TRMT13: variants seen among roughly 807,000 people sequenced by gnomAD.
TRMT13 encodes tRNA:m(4)X modification enzyme TRM13 homolog.
In TRMT13, 45 loss-of-function variants were observed where a neutral mutation model predicts 55.9. The ratio of observed to expected loss-of-function variants is 0.80; its 90% CI spans 0.63 to 1.03. The LOEUF is 1.03. Ranked by LOEUF, TRMT13 falls within the 50% of genes least tolerant of loss-of-function variation. The pLI, the probability that TRMT13 is intolerant of heterozygous loss-of-function variation, is 0.00. For missense variants in TRMT13, 513 were observed against 563.9 expected, an observed-to-expected ratio of 0.91 and a Z score of 0.91; for synonymous variants, 183 against 196.3, an observed-to-expected ratio of 0.93 and a Z score of 0.57.
At chr1:100,138,475 TC>T (rs1402164555) in intron 3 of TRMT13, among the ~76,000 whole-genome samples, 1 of 152,180 alleles carries the variant, frequency 6.6e-6, no homozygotes, top group African/African-American at 2.4e-5. Flanking sequence ...ACATTGTAAT[TC>T]CTGCAGTAAA....
At chr1:100,140,589 A>G in intron 6 of TRMT13, 75 bp downstream of exon 6, 5 of 1,145,012 alleles carry the variant, frequency 4.4e-6, no homozygotes, top group Non-Finnish European at 6.4e-6. Context: ...GTAATTATTA[A>G]TAAGATTTTA....
chr1:100,148,481 TATA>T, intron 10 of TRMT13, 141 bp from the exon 11 acceptor site: 2 of 1,065,190 alleles, frequency 1.9e-6, no homozygotes, highest in Non-Finnish European at 2.7e-6. Context: ...TGGTCATAAA[TATA>T]ATGTGTCTTG....
chr1:100,141,026 G>A lies in TRMT13; in HGVS notation c.669+7G>A, dbSNP rs1416081157. 5 of 1,608,948 alleles carry A rather than the reference G, an allele frequency of 3.1e-6. No individual in the cohort carries two copies. The highest frequency in any genetic ancestry group is 4.2e-6 in the Non-Finnish European group (5 of 1,177,364). ...GGTGACCACAAGATTCAAGGTAAGT[G>A]AAACCATTGCTCTGTGTTAGTAACC... On this transcript the variant is annotated splice_region_variant and intron_variant, in intron 7 of 10. Coordinates refer to ENST00000370141, the MANE Select transcript of TRMT13 (RefSeq NM_019083.3).
chr1:100,133,338 C>G, intron 1 of TRMT13, 23 bp downstream of exon 1: 2 of 1,611,570 alleles, frequency 1.2e-6, no homozygotes, highest in Non-Finnish European at 1.7e-6. Context: ...CCTACTCTCT[C>G]AAGAGTCGGA....
intron 1 of TRMT13, among the ~76,000 whole-genome samples, chr1:100,135,798 T>C (rs1655755942): frequency 6.6e-6 from 1 of 152,192 alleles, no homozygotes; most frequent in South Asian, 2.1e-4. Context: ...CCTTTCTTTT[T>C]TCCCAGTTCA....
At position 100,149,821 on chromosome 1, in the gene TRMT13, T is replaced by G. The variant is rs1483485831; in HGVS notation, c.*1001T>G. On this transcript the variant is annotated 3_prime_UTR_variant, in exon 11 of 11. Transcript: ENST00000370141. ...TCTGCCTTTATTTGTAAAAATTGTCTTAATTGATGGTACATTTGCCAAGAC... is the reference window on the plus strand; with the variant it reads ...TCTGCCTTTATTTGTAAAAATTGTCGTAATTGATGGTACATTTGCCAAGAC... The G allele has an allele frequency of 6.4e-6, 1 of 157,214 alleles. No individual in the cohort carries two copies. Among genetic ancestry groups the G allele is most frequent in the Non-Finnish European group, 1.4e-5 (1 of 71,680 alleles). The allele number at this position is 157,214 out of a possible 1,614,324, so 9.7% of individuals were successfully genotyped here.
In TRMT13 at chr1:100,147,982, T is replaced by C; in HGVS notation, c.906T>C (p.Asp302=). ...EEPLAKRIKN[D]KTEKEIYTLA... ...CTTTAGCCAAACGCATAAAGAATGA[T>C]AAAACAGAAAAAGAAATTTACACTT... The change falls in exon 10 of 11, where the codon GAT becomes GAC. Residue 302 remains aspartate, a synonymous_variant. Transcript: ENST00000370141. 6.2e-7 allele frequency: 1 copy of C among 1,613,924 alleles called. No homozygotes were observed. Among genetic ancestry groups the C allele is most frequent in the Non-Finnish European group, 8.5e-7 (1 of 1,179,990 alleles).
intron 1 of TRMT13, among the ~76,000 whole-genome samples, chr1:100,136,269 A>G (rs1172815222): frequency 6.6e-6 from 1 of 152,220 alleles, no homozygotes; most frequent in Non-Finnish European, 1.5e-5. Context: ...TTATTTTTAC[A>G]TTTTAACATT....
chr1:100,138,831 C>A (rs1369986540), intron 3 of TRMT13, among the ~76,000 whole-genome samples: 1 of 152,292 alleles, frequency 6.6e-6, no homozygotes, highest in African/African-American at 2.4e-5. Flanking sequence ...TCAGTGGCTG[C>A]CATATTGGCC....
chr1:100,142,381 A>G (rs757159913), intron 7 of TRMT13, among the ~76,000 whole-genome samples: 2 of 152,350 alleles, frequency 1.3e-5, no homozygotes, highest in Non-Finnish European at 2.9e-5. Context: ...TTGTCCAACA[A>G]TCCAAGTAAG....
chr1:100,139,644 T>G lies in TRMT13; in HGVS notation c.262-5T>G. The stretch of plus-strand genomic sequence containing the variant: ...CAGTTCTTTTATGGTTTTGTTTTTG[T>G]TAAGGATTTCTATATTCAAGATATT... On this transcript the variant is annotated splice_region_variant and splice_polypyrimidine_tract_variant and intron_variant, in intron 3 of 10. Transcript: ENST00000370141. The G allele has an allele frequency of 6.6e-7, 1 of 1,521,714 alleles. No homozygotes were observed. Among genetic ancestry groups the G allele is most frequent in the Admixed American group, 1.8e-5 (1 of 56,350 alleles). 94.3% of individuals were successfully genotyped at this position (1,521,714 alleles called of 1,614,324 possible). A position where few individuals can be genotyped will look rare whatever the true frequency, so the allele number is the denominator to read the frequency against.
chr1:100,144,233 A>G (rs1227581156), intron 9 of TRMT13, 90 bp downstream of exon 9: 3 of 879,000 alleles, frequency 3.4e-6, no homozygotes, highest in Non-Finnish European at 5.6e-6. Context: ...TTTTGAATAG[A>G]TATCTTATGT....
Position 100,149,133 on chromosome 1 carries a change from G to A in TRMT13, c.*313G>A, listed in dbSNP as rs1214028395. ...CATAACATGTCAACACATAATTAGC[G>A]TATTTCTGTTTGTATTAATTTTGGA... On this transcript the variant is annotated 3_prime_UTR_variant, in exon 11 of 11. Coordinates refer to ENST00000370141, the MANE Select transcript of TRMT13 (RefSeq NM_019083.3). 19 of 1,568,408 alleles carry A rather than the reference G, an allele frequency of 1.2e-5. No homozygotes were observed. Among genetic ancestry groups the A allele is most frequent in the South Asian group, 3.7e-5 (3 of 82,022 alleles).
Position 100,136,894 on chromosome 1 carries a change from C to A in TRMT13, c.160C>A (p.Arg54=). Residue 54 remains arginine, a synonymous_variant, in exon 2 of 11, where the codon CGG becomes AGG. Transcript: ENST00000370141. ...CTTAATTTATTAGGAAGAAGATGCTCGGAAAAGAATCCTGTGTCCTTTAGA... is the reference window on the plus strand; with the variant it reads ...CTTAATTTATTAGGAAGAAGATGCTAGGAAAAGAATCCTGTGTCCTTTAGA... ...HAGAAEEEDA[R]KRILCPLDPK... 1 of 1,597,776 alleles carries A rather than the reference C, an allele frequency of 6.3e-7. No homozygotes were observed. The highest frequency in any genetic ancestry group is 1.2e-5 in the South Asian group (1 of 86,520).
chr1:100,146,134 C>T (rs1454409947), intron 9 of TRMT13, among the ~76,000 whole-genome samples: 1 of 152,170 alleles, frequency 6.6e-6, no homozygotes, highest in Non-Finnish European at 1.5e-5. Flanking sequence ...AACAAAACAA[C>T]TGGTCAATTT....
chr1:100,133,932 CGTG>C (rs1655423733), intron 1 of TRMT13, among the ~76,000 whole-genome samples: 1 of 151,842 alleles, frequency 6.6e-6, no homozygotes, highest in African/African-American at 2.4e-5. Context: ...TTAAGAAAAT[CGTG>C]GTGGTGCGAG....
chr1:100,133,399 G>C, intron 1 of TRMT13, 84 bp downstream of exon 1: 1 of 1,464,700 alleles, frequency 6.8e-7, no homozygotes, highest in African/African-American at 1.4e-5. Flanking sequence ...TCCCCTCTTT[G>C]ACAGCTTTCT....
rs554876572 is a variant in TRMT13 at position 100,148,739 on chromosome 1, T to A, written c.1365T>A (p.Tyr455Ter). 6.3e-7 allele frequency: 1 copy of A among 1,599,340 alleles called. No homozygotes were observed. The highest frequency in any genetic ancestry group is 2.3e-5 in the East Asian group (1 of 43,634). Reference protein sequence around the residue: ...QKGFSPALQYYTDPLVSLENV... With the variant: ...QKGFSPALQY ...GATTCAGTCCTGCTTTGCAGTACTA[T>A]ACAGACCCTCTGGTGTCTTTGGAAA... Residue 455 changes from tyrosine to a stop codon, truncating the protein, a stop_gained, in exon 11 of 11, where the codon TAT becomes TAA. Transcript: ENST00000370141. LOFTEE classifies it high-confidence loss of function.
Position 100,149,335 on chromosome 1 carries a change from A to G in TRMT13, c.*515A>G. The G allele has an allele frequency of 3.2e-6, 5 of 1,542,690 alleles. No homozygotes were observed. In the South Asian group the frequency reaches 4.9e-5, roughly 15 times the overall value. On this transcript the variant is annotated 3_prime_UTR_variant, in exon 11 of 11. Coordinates refer to ENST00000370141, the MANE Select transcript of TRMT13 (RefSeq NM_019083.3). Reference sequence around the variant, plus strand: ...TGCAGACAATTCAGAGATATTCACAATTAATAAACACAATTAATTAATGAA... The same window carrying G: ...TGCAGACAATTCAGAGATATTCACAGTTAATAAACACAATTAATTAATGAA...
Sources: allele counts gnomAD v4.1 joint callset (sites outside exome capture counted in the v4.1 genomes callset), GRCh38; gene constraint gnomAD v4.1.1; transcripts MANE v1.5; gene names NCBI Gene and HGNC (gene_info 2026-07-23, HGNC 2026-07-21).